The following MBD5 variants were observed in gnomAD, a reference collection of about 807,000 sequenced individuals.
MBD5 encodes the protein methyl-CpG binding domain protein 5.
MBD5 carries 13 observed loss-of-function variants against 117.3 expected under a neutral mutation model. That is an observed-to-expected ratio of 0.11 (90% CI 0.07 to 0.18). MBD5 has a LOEUF of 0.18. MBD5 is among the 10% of genes least tolerant of loss of function. MBD5 has a pLI of 1.00. For missense variants in MBD5, 1,879 were observed against 2,093.8 expected, an observed-to-expected ratio of 0.90 and a Z score of 2.00; for synonymous variants, 727 against 766.4, an observed-to-expected ratio of 0.95 and a Z score of 0.85.
At chr2:148,507,054 C>G (rs1434664383) in intron 12 of MBD5, among the ~76,000 whole-genome samples, 2 of 152,184 alleles carry the variant, frequency 1.3e-5, no homozygotes, top group Non-Finnish European at 2.9e-5. Flanking sequence ...TATTTATTTT[C>G]TCTTCCAAAA....
intron 8 of MBD5, among the ~76,000 whole-genome samples, chr2:148,476,029 A>G (rs951028890): frequency 1.3e-5 from 2 of 152,200 alleles, no homozygotes; most frequent in African/African-American, 4.8e-5. Flanking sequence ...GAGCTAGACA[A>G]CAGAAGTCTG....
chr2:148,494,094 A>G (rs1416346033), intron 11 of MBD5, among the ~76,000 whole-genome samples: 2 of 152,206 alleles, frequency 1.3e-5, no homozygotes, highest in East Asian at 1.9e-4. Flanking sequence ...TTAACCTCCT[A>G]TCCTCTGCCC....
intron 1 of MBD5, among the ~76,000 whole-genome samples, chr2:148,039,678 A>G (rs1457612872): frequency 6.6e-6 from 1 of 151,754 alleles, no homozygotes; most frequent in African/African-American, 2.4e-5. Context: ...ACTACTGTGT[A>G]TTCTTTAATT....
At chr2:148,294,509 T>TTTTTTTGTTTG in intron 3 of MBD5, among the ~76,000 whole-genome samples, 1 of 130,068 alleles carries the variant, frequency 7.7e-6, no homozygotes, top group Middle Eastern at 4.4e-3. Flanking sequence ...CAGTTTTTTT[T>TTTTTTTGTTTG]TTTTTTTTTT....
At chr2:148,376,834 C>CGT (rs1704004501) in intron 4 of MBD5, among the ~76,000 whole-genome samples, 1 of 73,430 alleles carries the variant, frequency 1.4e-5, no homozygotes, top group Admixed American at 1.5e-4. Context: ...ATATATATAA[C>CGT]ATATATATAA....
intron 7 of MBD5, among the ~76,000 whole-genome samples, chr2:148,465,195 T>A (rs1393883296): frequency 2.0e-5 from 3 of 152,182 alleles, no homozygotes; most frequent in African/African-American, 7.2e-5. Context: ...GAATACTGCA[T>A]AGATGATGTT....
chr2:148,483,085 T>G (rs1290919841), intron 8 of MBD5, 25 bp from the exon 9 acceptor site: 2 of 1,522,670 alleles, frequency 1.3e-6, no homozygotes, highest in African/African-American at 3.5e-5. Flanking sequence ...AACTGGGTTT[T>G]GTGTTTTTTT....
At chr2:148,458,116 C>T in intron 4 of MBD5, 87 bp from the exon 5 acceptor site, 1 of 394,558 alleles carries the variant, frequency 2.5e-6, no homozygotes, top group East Asian at 3.6e-5. Context: ...ATTGGGTACA[C>T]TTCGTAGTTT....
At chr2:148,186,629 A>AT (rs1335884725) in intron 2 of MBD5, among the ~76,000 whole-genome samples, 1 of 152,212 alleles carries the variant, frequency 6.6e-6, no homozygotes, top group Non-Finnish European at 1.5e-5. Flanking sequence ...ATAACAGGAC[A>AT]TTTTGCCGTT....
chr2:148,458,599 G>A lies in MBD5; in HGVS notation c.-160G>A, dbSNP rs1706957486. 2 of 661,350 alleles carry A rather than the reference G, an allele frequency of 3.0e-6. No homozygotes were observed. Among genetic ancestry groups the A allele is most frequent in the Admixed American group, 2.4e-5 (1 of 41,830 alleles). The allele number at this position is 661,350 out of a possible 1,614,324, so 41.0% of individuals were successfully genotyped here. A position where few individuals can be genotyped will look rare whatever the true frequency, so the allele number is the denominator to read the frequency against. On this transcript the variant is annotated 5_prime_UTR_variant, in exon 5 of 14. Coordinates refer to ENST00000642680, the MANE Select transcript of MBD5 (RefSeq NM_001378120.1). ...TTTTTTTCACAATGGCATATTTCAA[G>A]GACTTGGTTCCAAACTGAGCTGAAG...
intron 1 of MBD5, among the ~76,000 whole-genome samples, chr2:148,134,047 A>G (rs911918957): frequency 3.9e-5 from 6 of 152,194 alleles, no homozygotes; most frequent in Non-Finnish European, 7.3e-5. Context: ...AGACATTCCT[A>G]AAAGAAAATA....
At chr2:148,442,820 C>CA (rs1706368653) in intron 4 of MBD5, among the ~76,000 whole-genome samples, 1 of 151,280 alleles carries the variant, frequency 6.6e-6, no homozygotes, top group Non-Finnish European at 1.5e-5. Context: ...TGGCAAAACT[C>CA]TGCAGGACAT....
At chr2:148,411,518 T>TC (rs1168765628) in intron 4 of MBD5, among the ~76,000 whole-genome samples, 1 of 147,482 alleles carries the variant, frequency 6.8e-6, no homozygotes, top group East Asian at 2.0e-4. Flanking sequence ...TGTTCTTTTT[T>TC]TTTTTTTTTT....
At chr2:148,223,778 G>A (rs1699750132) in intron 2 of MBD5, among the ~76,000 whole-genome samples, 1 of 151,792 alleles carries the variant, frequency 6.6e-6, no homozygotes, top group African/African-American at 2.4e-5. Flanking sequence ...GGTTTGGTTT[G>A]CTCTTGCTTT....
At chr2:148,465,150 T>G (rs1427156246) in intron 7 of MBD5, among the ~76,000 whole-genome samples, 1 of 152,208 alleles carries the variant, frequency 6.6e-6, no homozygotes, top group African/African-American at 2.4e-5. Flanking sequence ...TGGATTTTCC[T>G]CATATTTATG....
At chr2:148,326,279 G>C (rs1190653639) in intron 3 of MBD5, among the ~76,000 whole-genome samples, 1 of 152,128 alleles carries the variant, frequency 6.6e-6, no homozygotes, top group Non-Finnish European at 1.5e-5. Flanking sequence ...TTTGGAATAG[G>C]TGTGGTGTGG....
At chr2:148,298,246 G>A (rs1294312681) in intron 3 of MBD5, among the ~76,000 whole-genome samples, 1 of 152,198 alleles carries the variant, frequency 6.6e-6, no homozygotes, top group Non-Finnish European at 1.5e-5. Context: ...TTTTACATCT[G>A]CAATACATAG....
chr2:148,419,350 C>A (rs936623654), intron 4 of MBD5, among the ~76,000 whole-genome samples: 1 of 151,992 alleles, frequency 6.6e-6, no homozygotes, highest in Non-Finnish European at 1.5e-5. Flanking sequence ...AGAAGGCCAT[C>A]GTAAATATGA....
intron 1 of MBD5, among the ~76,000 whole-genome samples, chr2:148,081,665 T>G (rs1695651774): frequency 6.6e-6 from 1 of 152,012 alleles, no homozygotes. Flanking sequence ...TAAGTTCTGG[T>G]CTCCTTTTTT....
Sources: gnomAD v4.1 joint callset for allele counts (sites outside exome capture counted in the v4.1 genomes callset) on GRCh38, gnomAD v4.1.1 for gene constraint, MANE v1.5 for transcripts, NCBI Gene and HGNC (gene_info 2026-07-23, HGNC 2026-07-21) for gene names.